The following PTAFR variants were observed in gnomAD, a reference collection of about 807,000 sequenced individuals.
The protein encoded by PTAFR is platelet activating factor receptor, also known as platelet-activating factor receptor.
Under a neutral mutation model 14.7 loss-of-function variants are expected in PTAFR, and 8 were observed. That is an observed-to-expected ratio of 0.54 (90% CI 0.32 to 0.98). PTAFR has a LOEUF of 0.98. Among genes scored for constraint, PTAFR ranks in the 50% least tolerant of loss-of-function variants. PTAFR has a pLI of 0.04. For missense variants in PTAFR, 337 were observed against 451.2 expected, an observed-to-expected ratio of 0.75 and a Z score of 2.29; for synonymous variants, 156 against 176.5, an observed-to-expected ratio of 0.88 and a Z score of 0.92.
chr1:28,159,174 T>C (rs2148995791), intron 1 of PTAFR, among the ~76,000 whole-genome samples: 1 of 152,228 alleles, frequency 6.6e-6, no homozygotes, highest in African/African-American at 2.4e-5. Context: ...TATGAGGACA[T>C]ATCCCATCTG....
At chr1:28,192,377 T>C (rs1646660677) in intron 1 of PTAFR, among the ~76,000 whole-genome samples, 1 of 151,764 alleles carries the variant, frequency 6.6e-6, no homozygotes, top group Admixed American at 6.6e-5. Context: ...CTGACCAACA[T>C]GGAGAAACCC....
At chr1:28,166,736 A>G (rs1169895687) in intron 1 of PTAFR, among the ~76,000 whole-genome samples, 2 of 152,016 alleles carry the variant, frequency 1.3e-5, no homozygotes, top group African/African-American at 4.8e-5. Context: ...CAGAACTTTG[A>G]GAGGCCTAGG....
chr1:28,178,256 T>C (rs1339084981), upstream of PTAFR, among the ~76,000 whole-genome samples: 1 of 152,042 alleles, frequency 6.6e-6, no homozygotes, highest in Non-Finnish European at 1.5e-5. Flanking sequence ...ACTTTTTTTA[T>C]TTTTTTATTT....
At chr1:28,162,305 G>A (rs1186657291) in intron 1 of PTAFR, among the ~76,000 whole-genome samples, 2 of 152,094 alleles carry the variant, frequency 1.3e-5, no homozygotes, top group Non-Finnish European at 2.9e-5. Context: ...TGTACTCAGG[G>A]AGCTTGGCTG....
chr1:28,149,765 C>T lies in PTAFR; in HGVS notation c.*228G>A. Reference sequence around the variant, plus strand: ...GGACTCAGGATAAAGTCATCAGTCACAGTTACTGTAGTATGCGCCCACAGG... The same window carrying T: ...GGACTCAGGATAAAGTCATCAGTCATAGTTACTGTAGTATGCGCCCACAGG... On this transcript the variant is annotated 3_prime_UTR_variant, in exon 2 of 2. Transcript: ENST00000373857. 7.2e-6 allele frequency: 4 copies of T among 555,974 alleles called. No homozygotes were observed. Among genetic ancestry groups the T allele is most frequent in the Non-Finnish European group, 9.5e-6 (3 of 316,966 alleles). 34.4% of individuals were successfully genotyped at this position (555,974 alleles called of 1,614,324 possible).
intron 1 of PTAFR, among the ~76,000 whole-genome samples, chr1:28,193,299 G>GT (rs978922861): frequency 9.2e-5 from 14 of 151,808 alleles, no homozygotes; most frequent in African/African-American, 3.4e-4. Flanking sequence ...TGCATGTTGT[G>GT]TGTCTGTAAG....
intron 1 of PTAFR, among the ~76,000 whole-genome samples, chr1:28,182,672 T>C (rs930741536): frequency 6.6e-6 from 1 of 152,004 alleles, no homozygotes; most frequent in African/African-American, 2.4e-5. Flanking sequence ...TTAAATGTAC[T>C]GTTGCACATG....
intron 1 of PTAFR, among the ~76,000 whole-genome samples, chr1:28,151,300 C>T (rs1440741162): frequency 1.3e-5 from 2 of 152,094 alleles, no homozygotes; most frequent in African/African-American, 4.8e-5. Flanking sequence ...CTGCCTCAGC[C>T]TCCCAAGTAG....
At chr1:28,174,982 G>A (rs138376547) in intron 1 of PTAFR, among the ~76,000 whole-genome samples, 3,995 of 152,136 alleles carry the variant, frequency 0.026, 185 homozygotes, top group African/African-American at 0.09. Flanking sequence ...GCTGGAGTGC[G>A]ATGGCGCCAT....
rs556045320 is a variant in PTAFR, at chr1:28,173,395, C to T, written c.-39+3197G>A. 4.4e-3 allele frequency among the ~76,000 whole-genome samples: 673 copies of T among 151,832 alleles called. 2 individuals carry two copies. The highest frequency in any genetic ancestry group is 0.041 in the Middle Eastern group (12 of 294). On this transcript the variant is annotated intron_variant, in intron 1 of 1. Coordinates refer to ENST00000373857, the MANE Select transcript of PTAFR (RefSeq NM_000952.5). ...CCAAGGCAGGCGGATTGCTTGAGCA[C>T]GGGAGTTCAAGACTAGCCTGGGCAT...
intron 1 of PTAFR, among the ~76,000 whole-genome samples, chr1:28,186,993 G>A (rs1646612613): frequency 6.6e-6 from 1 of 152,154 alleles, no homozygotes; most frequent in African/African-American, 2.4e-5. Context: ...GTCTCACTAT[G>A]TTGCACAGGC....
At position 28,151,067 on chromosome 1, in the gene PTAFR, AC is replaced by A; in HGVS notation, c.-38-9del. On this transcript the variant is annotated splice_polypyrimidine_tract_variant and intron_variant, in intron 1 of 1. Coordinates refer to ENST00000373857, the MANE Select transcript of PTAFR (RefSeq NM_000952.5). ...AGCTGGTCCTGGTGGTGCCTGGAAG[AC>A]CACACAAAAATTCTGGTTAATAAAG... 1.4e-6 allele frequency: 2 copies of A among 1,471,864 alleles called. No individual in the cohort carries two copies. Among genetic ancestry groups the A allele is most frequent in the Non-Finnish European group, 1.8e-6 (2 of 1,091,050 alleles). The allele number at this position is 1,471,864 out of a possible 1,614,324, so 91.2% of individuals were successfully genotyped here. A position where few individuals can be genotyped will look rare whatever the true frequency, so the allele number is the denominator to read the frequency against.
At chr1:28,157,344 T>C (rs1264413530) in intron 1 of PTAFR, among the ~76,000 whole-genome samples, 1 of 152,082 alleles carries the variant, frequency 6.6e-6, no homozygotes, top group Non-Finnish European at 1.5e-5. Flanking sequence ...ATGCCCACCA[T>C]GGCCAGCTAA....
intron 1 of PTAFR, among the ~76,000 whole-genome samples, chr1:28,160,394 CAA>C (rs369771521): frequency 8.6e-5 from 11 of 127,944 alleles, no homozygotes; most frequent in Admixed American, 8.0e-5. Context: ...GGCTTCATCT[CAA>C]AAAAAAAAAA....
intron 1 of PTAFR, among the ~76,000 whole-genome samples, chr1:28,173,544 G>A (rs1021584387): frequency 4.0e-5 from 6 of 151,810 alleles, no homozygotes; most frequent in Non-Finnish European, 7.4e-5. Flanking sequence ...TCAGCTACTC[G>A]AGAGACTGAG....
At chr1:28,154,662 A>C (rs959020251) in intron 1 of PTAFR, among the ~76,000 whole-genome samples, 5 of 151,890 alleles carry the variant, frequency 3.3e-5, no homozygotes, top group Non-Finnish European at 5.9e-5. Flanking sequence ...AATACAAAAA[A>C]TTAGCCAGGC....
chr1:28,154,081 GAAAAA>G (rs71586829), intron 1 of PTAFR, among the ~76,000 whole-genome samples: 19 of 55,504 alleles, frequency 3.4e-4, no homozygotes, highest in Admixed American at 9.7e-4. Flanking sequence ...CCTTGTCTCA[GAAAAA>G]AAAAAAAAAA....
At chr1:28,171,680 C>T (rs900862524) in intron 1 of PTAFR, among the ~76,000 whole-genome samples, 2 of 152,068 alleles carry the variant, frequency 1.3e-5, no homozygotes, top group East Asian at 1.9e-4. Context: ...GGAGAGGTTA[C>T]GGACAGGGTC....
In PTAFR at chr1:28,148,858, A is replaced by T. The variant is rs971989740; in HGVS notation, c.*1135T>A. The T allele has an allele frequency of 2.6e-5, 4 of 152,306 alleles. No homozygotes were observed. Among genetic ancestry groups the T allele is most frequent in the Admixed American group, 6.5e-5 (1 of 15,276 alleles). The allele number at this position is 152,306 out of a possible 1,614,324, so 9.4% of individuals were successfully genotyped here. On this transcript the variant is annotated 3_prime_UTR_variant, in exon 2 of 2. Transcript: ENST00000373857. ...TGCCTTGGCCTCCCAAAGTGCTGGG[A>T]TTATAGGCATGAGCCACTGAGCCCA...
Sources: allele counts gnomAD v4.1 joint callset (sites outside exome capture counted in the v4.1 genomes callset), GRCh38; gene constraint gnomAD v4.1.1; transcripts MANE v1.5; gene names NCBI Gene and HGNC (gene_info 2026-07-23, HGNC 2026-07-21).